The following CEP85L variants were observed in gnomAD, a reference collection of about 807,000 sequenced individuals.
CEP85L encodes the protein centrosomal protein of 85 kDa-like.
Under a neutral mutation model 100.3 loss-of-function variants are expected in CEP85L, and 60 were observed. The ratio of observed to expected loss-of-function variants is 0.60; its 90% CI spans 0.49 to 0.74. The LOEUF is 0.74. Among genes scored for constraint, CEP85L ranks in the 30% least tolerant of loss-of-function variants. CEP85L has a pLI of 0.00. For synonymous variants in CEP85L, 319 were observed against 322.7 expected, an observed-to-expected ratio of 0.99 and a Z score of 0.12; for missense variants, 973 against 936.2, an observed-to-expected ratio of 1.04 and a Z score of -0.51.
intron 2 of CEP85L, among the ~76,000 whole-genome samples, chr6:118,605,799 T>C (rs889595053): frequency 1.3e-5 from 2 of 151,866 alleles, no homozygotes; most frequent in African/African-American, 4.8e-5. Flanking sequence ...GATCACGAGG[T>C]CAGGAGATCG....
intron 1 of CEP85L, among the ~76,000 whole-genome samples, chr6:118,701,131 G>A (rs572036282): frequency 7.9e-5 from 12 of 152,344 alleles, no homozygotes; most frequent in African/African-American, 2.4e-4. Context: ...CATGGAAACG[G>A]CATTCATTGG....
chr6:118,545,461 G>A (rs752913225), intron 3 of CEP85L, among the ~76,000 whole-genome samples: 1 of 152,126 alleles, frequency 6.6e-6, no homozygotes, highest in Non-Finnish European at 1.5e-5. Flanking sequence ...GGTGGCACAC[G>A]CCTGTAGTCT....
chr6:118,628,570 G>A (rs985627685), intron 2 of CEP85L, among the ~76,000 whole-genome samples: 1 of 151,506 alleles, frequency 6.6e-6, no homozygotes, highest in Non-Finnish European at 1.5e-5. Flanking sequence ...AGAAGGCAGA[G>A]GCTGCAGCCA....
rs1325112559 is a variant in CEP85L, at chr6:118,632,297, G to A, written c.232+156C>T. Reference sequence around the variant, plus strand: ...AGCCACCGCGCCCGGTCGATTAGAGGGACAATTTTATTTGATATACAGCAA... The same window carrying A: ...AGCCACCGCGCCCGGTCGATTAGAGAGACAATTTTATTTGATATACAGCAA... On this transcript the variant is annotated intron_variant, in intron 2 of 12. Coordinates refer to ENST00000368491, the MANE Select transcript of CEP85L (RefSeq NM_001042475.3). 2.0e-5 allele frequency among the ~76,000 whole-genome samples: 3 copies of A among 151,962 alleles called. No individual in the cohort carries two copies. The East Asian group carries it at 5.8e-4, about 29-fold the overall frequency.
intron 5 of CEP85L, among the ~76,000 whole-genome samples, chr6:118,506,752 T>C (rs1311253255): frequency 6.6e-6 from 1 of 152,194 alleles, no homozygotes; most frequent in Non-Finnish European, 1.5e-5. Flanking sequence ...GTGAACTTAA[T>C]CATATAGAAA....
intron 3 of CEP85L, chr6:118,559,130 C>T (rs745978438): frequency 1.5e-6 from 2 of 1,375,122 alleles, no homozygotes; most frequent in Admixed American, 3.3e-5. Flanking sequence ...AGCTTAAAAT[C>T]TGTCATCCCA....
intron 6 of CEP85L, among the ~76,000 whole-genome samples, chr6:118,490,766 T>C (rs776353429): frequency 2.6e-5 from 4 of 152,254 alleles, no homozygotes; most frequent in Non-Finnish European, 4.4e-5. Context: ...CAGCAATAGA[T>C]AGAAACTGAT....
intron 3 of CEP85L, among the ~76,000 whole-genome samples, chr6:118,526,683 A>G (rs779266038): frequency 5.9e-5 from 9 of 152,348 alleles, no homozygotes; most frequent in Non-Finnish European, 1.0e-4. Flanking sequence ...TGCCAAAACC[A>G]AGACAGCCAT....
intron 1 of CEP85L, among the ~76,000 whole-genome samples, chr6:118,693,492 A>AT (rs2114324328): frequency 6.6e-6 from 1 of 152,312 alleles, no homozygotes; most frequent in East Asian, 1.9e-4. Context: ...TGCAAAAATA[A>AT]TTTTTGGAAC....
intron 4 of CEP85L, among the ~76,000 whole-genome samples, chr6:118,516,659 T>C (rs953047733): frequency 1.3e-5 from 2 of 152,228 alleles, no homozygotes; most frequent in African/African-American, 4.8e-5. Context: ...CTTTGTCAGA[T>C]GGATACATTG....
At chr6:118,545,102 G>T (rs1383110082) in intron 3 of CEP85L, among the ~76,000 whole-genome samples, 1 of 152,138 alleles carries the variant, frequency 6.6e-6, no homozygotes, top group East Asian at 1.9e-4. Context: ...TTCAAAGCTT[G>T]CATTTTACTG....
chr6:118,466,863 T>C (rs992622390), intron 12 of CEP85L, among the ~76,000 whole-genome samples: 1 of 152,064 alleles, frequency 6.6e-6, no homozygotes, highest in Non-Finnish European at 1.5e-5. Context: ...TGACGGGTTA[T>C]GAAAACTTAA....
chr6:118,651,439 C>G lies in CEP85L; in HGVS notation c.-170G>C, dbSNP rs1056358551. 1 of 1,326,972 alleles carries G rather than the reference C, an allele frequency of 7.5e-7. No homozygotes were observed. The highest frequency in any genetic ancestry group is 1.5e-5 in the African/African-American group (1 of 64,698). The allele number at this position is 1,326,972 out of a possible 1,614,324, so 82.2% of individuals were successfully genotyped here. A position where few individuals can be genotyped will look rare whatever the true frequency, so the allele number is the denominator to read the frequency against. ...CAGCTACGGGCGGGGAGCGCAGGGG[C>G]CAGATTCGCCGCACTGCCGGCGCCT... On this transcript the variant is annotated 5_prime_UTR_variant, in exon 1 of 13. Coordinates refer to ENST00000368491, the MANE Select transcript of CEP85L (RefSeq NM_001042475.3).
At chr6:118,467,976 G>A (rs1324634951) in intron 12 of CEP85L, among the ~76,000 whole-genome samples, 1 of 152,164 alleles carries the variant, frequency 6.6e-6, no homozygotes, top group Non-Finnish European at 1.5e-5. Context: ...GTTAATGTGT[G>A]GACAAGGACT....
chr6:118,570,912 GCA>G (rs145594923), intron 2 of CEP85L, among the ~76,000 whole-genome samples: 4 of 150,650 alleles, frequency 2.7e-5, no homozygotes, highest in Non-Finnish European at 5.9e-5. Context: ...ACATACATAT[GCA>G]CACACACACA....
chr6:118,696,810 G>A (rs1242719511), intron 1 of CEP85L, among the ~76,000 whole-genome samples: 2 of 152,206 alleles, frequency 1.3e-5, no homozygotes, highest in Non-Finnish European at 2.9e-5. Flanking sequence ...AAGATAGGGT[G>A]GTGCAAGAGG....
chr6:118,616,879 A>G (rs1773090293), intron 2 of CEP85L, among the ~76,000 whole-genome samples: 1 of 150,966 alleles, frequency 6.6e-6, no homozygotes, highest in East Asian at 2.0e-4. Flanking sequence ...CGGGAGGCGG[A>G]GCTTGCAGTG....
intron 2 of CEP85L, among the ~76,000 whole-genome samples, chr6:118,572,097 C>T (rs1779925003): frequency 6.6e-6 from 1 of 152,074 alleles, no homozygotes; most frequent in South Asian, 2.1e-4. Context: ...CTCATGTGAT[C>T]TGCCCGCCTT....
chr6:118,576,343 C>G (rs1780231950), intron 2 of CEP85L, among the ~76,000 whole-genome samples: 1 of 152,170 alleles, frequency 6.6e-6, no homozygotes, highest in Non-Finnish European at 1.5e-5. Flanking sequence ...CCTGGTACTC[C>G]TAACAACTGA....
Sources: allele counts gnomAD v4.1 joint callset (sites outside exome capture counted in the v4.1 genomes callset), GRCh38; gene constraint gnomAD v4.1.1; transcripts MANE v1.5; gene names NCBI Gene and HGNC (gene_info 2026-07-23, HGNC 2026-07-21).